The following ATP10B variants were observed in gnomAD, a reference collection of about 807,000 sequenced individuals.
The protein encoded by ATP10B is phospholipid-transporting ATPase VB.
A neutral mutation model predicts 141.2 loss-of-function variants in ATP10B; 122 were observed. The observed-to-expected ratio is 0.86, with a 90% CI of 0.75 to 1.00. The LOEUF (loss-of-function observed/expected upper bound fraction) is 1.00. Among genes scored for constraint, ATP10B ranks in the 50% least tolerant of loss-of-function variants. The pLI is 0.00. For missense variants in ATP10B, 1,876 were observed against 1,825.3 expected, an observed-to-expected ratio of 1.03 and a Z score of -0.51; for synonymous variants, 685 against 692.0, an observed-to-expected ratio of 0.99 and a Z score of 0.16.
chr5:160,802,465 AG>A (rs1300087322), intron 1 of ATP10B, among the ~76,000 whole-genome samples: 1 of 152,210 alleles, frequency 6.6e-6, no homozygotes, highest in Non-Finnish European at 1.5e-5. Context: ...CACCTGGGGA[AG>A]TCTACCGATA....
At chr5:160,638,397 C>G (rs1267408474) in intron 10 of ATP10B, among the ~76,000 whole-genome samples, 1 of 152,070 alleles carries the variant, frequency 6.6e-6, no homozygotes, top group Non-Finnish European at 1.5e-5. Flanking sequence ...GCTGATATGC[C>G]CTGAAAAACC....
At chr5:160,629,463 C>A (rs966213586) in intron 13 of ATP10B, among the ~76,000 whole-genome samples, 6 of 152,086 alleles carry the variant, frequency 3.9e-5, no homozygotes, top group African/African-American at 1.4e-4. Context: ...CTTGGCTGCT[C>A]CTTAGAATTA....
intron 2 of ATP10B, among the ~76,000 whole-genome samples, chr5:160,751,975 G>T (rs987426537): frequency 6.6e-6 from 1 of 152,118 alleles, no homozygotes; most frequent in African/African-American, 2.4e-5. Flanking sequence ...CAGGATGAGC[G>T]TACATCCCCC....
intron 2 of ATP10B, among the ~76,000 whole-genome samples, chr5:160,774,756 C>A (rs1770162555): frequency 6.6e-6 from 1 of 152,182 alleles, no homozygotes; most frequent in Non-Finnish European, 1.5e-5. Flanking sequence ...AACAGAGACA[C>A]AAACTTAGGC....
rs534112987 is a variant in ATP10B, at chr5:160,565,478, C to T, written c.4361G>A (p.Arg1454Gln). The T allele has an allele frequency of 1.3e-5, 21 of 1,614,024 alleles. No individual in the cohort carries two copies. Among genetic ancestry groups the T allele is most frequent in the East Asian group, 1.1e-4 (5 of 44,872 alleles). ...TCATATGGTCAGTGAACTCTGGGATCGGCGATGGCTGCTCCTCTTTGAGCA... is the reference window on the plus strand; with the variant it reads ...TCATATGGTCAGTGAACTCTGGGATTGGCGATGGCTGCTCCTCTTTGAGCA... ...CRCSKRSSHR[R>Q]SQSSLTI Residue 1454 changes from arginine to glutamine, a missense_variant, in exon 26 of 26, where the codon CGA becomes CAA. Arg to Gln is a conservative substitution (Grantham distance 43). Coordinates refer to ENST00000327245, the MANE Select transcript of ATP10B (RefSeq NM_025153.3).
chr5:160,858,623 T>C, the ATP10B span, among the ~76,000 whole-genome samples: 1 of 151,948 alleles, frequency 6.6e-6, no homozygotes, highest in South Asian at 2.1e-4. Context: ...ATTAATATGT[T>C]AGGGACTAAG....
chr5:160,796,747 T>C (rs1188916456), intron 1 of ATP10B, among the ~76,000 whole-genome samples: 1 of 152,144 alleles, frequency 6.6e-6, no homozygotes, highest in Non-Finnish European at 1.5e-5. Flanking sequence ...TAGACTCTTA[T>C]GGGAAGGGAG....
At chr5:160,878,378 C>T in the ATP10B span, among the ~76,000 whole-genome samples, 4 of 151,558 alleles carry the variant, frequency 2.6e-5, no homozygotes, top group South Asian at 4.2e-4. Context: ...ATACAAAAAT[C>T]AATTCAAGAT....
At chr5:160,889,796 C>A in the ATP10B span, among the ~76,000 whole-genome samples, 4 of 152,122 alleles carry the variant, frequency 2.6e-5, no homozygotes, top group South Asian at 2.1e-4. Flanking sequence ...ATCTTCAGGA[C>A]GTGGACCCAG....
rs1278280598 is a variant in ATP10B at position 160,715,468 on chromosome 5, T to C, written c.-205+1441A>G. ...AGGTGAGGCAATGCCTCGCCCTGCTTCGGCTCGCGCACGGTGCGCACACAC... is the reference window on the plus strand; with the variant it reads ...AGGTGAGGCAATGCCTCGCCCTGCTCCGGCTCGCGCACGGTGCGCACACAC... On this transcript the variant is annotated intron_variant, in intron 3 of 25. Transcript: ENST00000327245. Among the ~76,000 whole-genome samples the C allele has an allele frequency of 5.6e-5, 8 of 143,404 alleles. No homozygotes were observed. The East Asian group carries it at 1.4e-3, about 26-fold the overall frequency. 94.1% of individuals were successfully genotyped at this position (143,404 alleles called of 152,430 possible). A position where few individuals can be genotyped will look rare whatever the true frequency, so the allele number is the denominator to read the frequency against.
chr5:160,609,657 C>A (rs543477619), intron 18 of ATP10B, among the ~76,000 whole-genome samples: 3 of 152,128 alleles, frequency 2.0e-5, no homozygotes, highest in Admixed American at 1.3e-4. Context: ...GGATTACAGG[C>A]GTGAGTCACT....
chr5:160,612,154 A>G (rs1757753125), intron 18 of ATP10B: 1 of 152,316 alleles, frequency 6.6e-6, no homozygotes, highest in Admixed American at 6.5e-5. Flanking sequence ...CCATAAAAAC[A>G]TATTGGCTTC....
At chr5:160,744,175 AC>A (rs748891088) in intron 2 of ATP10B, among the ~76,000 whole-genome samples, 51 of 152,222 alleles carry the variant, frequency 3.4e-4, no homozygotes, top group Middle Eastern at 3.4e-3. Context: ...TTCCAGACAA[AC>A]CAGGTACCAG....
intron 22 of ATP10B, 35 bp from the exon 23 acceptor site, chr5:160,591,174 T>G: frequency 1.3e-6 from 2 of 1,575,092 alleles, no homozygotes; most frequent in African/African-American, 2.7e-5. Context: ...ATTATCACCC[T>G]TATAGCAAGC....
chr5:160,624,680 C>T (rs997466162), intron 13 of ATP10B, among the ~76,000 whole-genome samples: 3 of 152,182 alleles, frequency 2.0e-5, no homozygotes, highest in Non-Finnish European at 4.4e-5. Context: ...CCTTCCCAAG[C>T]AATGTCATTT....
intron 2 of ATP10B, among the ~76,000 whole-genome samples, chr5:160,757,037 CT>C (rs1402736755): frequency 3.3e-5 from 5 of 151,992 alleles, no homozygotes; most frequent in Non-Finnish European, 7.4e-5. Context: ...AGGTCACTAA[CT>C]TTTTTTTCTT....
At chr5:160,905,105 C>A in the ATP10B span, among the ~76,000 whole-genome samples, 1 of 152,296 alleles carries the variant, frequency 6.6e-6, no homozygotes, top group East Asian at 1.9e-4. Flanking sequence ...AACAACTCTG[C>A]TATTTACATA....
intron 2 of ATP10B, among the ~76,000 whole-genome samples, chr5:160,724,204 G>C (rs1174639475): frequency 6.8e-6 from 1 of 147,944 alleles, no homozygotes; most frequent in Non-Finnish European, 1.5e-5. Context: ...GAAATAATCT[G>C]TACCATGAAC....
At chr5:160,670,394 A>G (rs1762600501) in intron 7 of ATP10B, 69 bp downstream of exon 7, 2 of 1,535,454 alleles carry the variant, frequency 1.3e-6, no homozygotes, top group Non-Finnish European at 1.8e-6. Flanking sequence ...GTTTAGTTCA[A>G]TTTTCCAGTA....
Sources: allele counts gnomAD v4.1 joint callset (sites outside exome capture counted in the v4.1 genomes callset), GRCh38; gene constraint gnomAD v4.1.1; transcripts MANE v1.5; gene names NCBI Gene and HGNC (gene_info 2026-07-23, HGNC 2026-07-21).